The following EGFL6 variants were observed in gnomAD, a reference collection of about 807,000 sequenced individuals.
EGFL6 encodes the protein EGF like domain multiple 6, also known as epidermal growth factor-like protein 6.
EGFL6 carries 42 observed loss-of-function variants against 43.1 expected under a neutral mutation model. The observed-to-expected ratio is 0.98, with a 90% CI of 0.76 to 1.26. The LOEUF (loss-of-function observed/expected upper bound fraction) is 1.26, where lower values mean the gene tolerates loss of function less well. EGFL6 is among the 50% of genes most tolerant of loss of function. The pLI is 0.00. For synonymous variants in EGFL6, 164 were observed against 163.2 expected (o/e 1.01, Z -0.04); for missense variants, 429 against 427.8 (o/e 1.00, Z -0.02).
At chrX:13,591,927 A>G (rs2045565532) in intron 2 of EGFL6, among the ~76,000 whole-genome samples, 1 of 112,161 alleles carries the variant, frequency 8.9e-6, no homozygotes, top group African/African-American at 3.2e-5. Context: ...AAAGCTTCAG[A>G]TAGAGAAGTT....
rs181022246 is a variant in EGFL6, at chrX:13,605,509, A to G, written c.521-870A>G. Among the ~76,000 whole-genome samples, 487 of 105,576 alleles carry G rather than the reference A, an allele frequency of 4.6e-3. 6 individuals carry two copies. The highest frequency in any genetic ancestry group is 0.032 in the Admixed American group (307 of 9,665). The allele number at this position is 105,576 out of a possible 115,157, so 91.7% of individuals were successfully genotyped here. A position where few individuals can be genotyped will look rare whatever the true frequency, so the allele number is the denominator to read the frequency against. On this transcript the variant is annotated intron_variant, in intron 5 of 11. Transcript: ENST00000361306. ...TGGGAGGATCACTTGAGCCTGGGGAATTTGTGGCTGTAGTGAGCCATGATT... is the reference window on the plus strand; with the variant it reads ...TGGGAGGATCACTTGAGCCTGGGGAGTTTGTGGCTGTAGTGAGCCATGATT...
chrX:13,607,796 C>T (rs1161097138), intron 6 of EGFL6, among the ~76,000 whole-genome samples: 3 of 112,252 alleles, frequency 2.7e-5, no homozygotes, highest in Non-Finnish European at 5.6e-5. Context: ...GAGAATACGG[C>T]AAACAAACCT....
In EGFL6 at chrX:13,619,463, G is replaced by A. The variant is rs185629793; in HGVS notation, c.1183+220G>A. On this transcript the variant is annotated intron_variant, in intron 9 of 11. Transcript: ENST00000361306. ...ATAGTAAGGCTATTCTCTTCTCCCCGCCACTCCCACCTGATGCTGAGAGTG... is the reference window on the plus strand; with the variant it reads ...ATAGTAAGGCTATTCTCTTCTCCCCACCACTCCCACCTGATGCTGAGAGTG... 1.6e-4 allele frequency among the ~76,000 whole-genome samples: 18 copies of A among 111,151 alleles called. No homozygotes were observed. The East Asian group carries it at 3.1e-3, about 19-fold the overall frequency.
chrX:13,632,859 A>G lies in EGFL6; in HGVS notation c.1552-126A>G. ...TGGCATCTAAAAAATAATCTATTAC[A>G]GTATATTCAATGTCGAAGCCGGTTT... On this transcript the variant is annotated intron_variant, in intron 11 of 11. Coordinates refer to ENST00000361306, the MANE Select transcript of EGFL6 (RefSeq NM_015507.4). 7.3e-6 allele frequency: 4 copies of G among 549,572 alleles called. No individual in the cohort carries two copies. In the South Asian group the frequency reaches 1.2e-4, roughly 16 times the overall value. 45.3% of individuals were successfully genotyped at this position (549,572 alleles called of 1,213,427 possible).
At chrX:13,616,151 A>G (rs1243561296) in intron 7 of EGFL6, among the ~76,000 whole-genome samples, 2 of 112,355 alleles carry the variant, frequency 1.8e-5, no homozygotes, top group African/African-American at 6.5e-5. Flanking sequence ...AAAATTAATT[A>G]CTTCTTTACA....
chrX:13,594,995 G>A, intron 3 of EGFL6, 67 bp downstream of exon 3: 1 of 829,233 alleles, frequency 1.2e-6, no homozygotes, highest in Non-Finnish European at 1.7e-6. Flanking sequence ...GACTCAATAT[G>A]GTACGCAGGA....
At chrX:13,603,112 A>G (rs1033130788) in intron 4 of EGFL6, among the ~76,000 whole-genome samples, 4 of 111,700 alleles carry the variant, frequency 3.6e-5, no homozygotes, top group African/African-American at 1.3e-4. Flanking sequence ...AAAGCAGACC[A>G]TGAGTAGGAT....
At position 13,632,463 on chromosome X, in the gene EGFL6, G is replaced by A. The variant is rs761129209; in HGVS notation, c.1552-522G>A. Among the ~76,000 whole-genome samples the A allele has an allele frequency of 6.5e-5, 7 of 108,382 alleles. No homozygotes were observed. The South Asian group carries it at 2.1e-3, about 32-fold the overall frequency. 94.1% of individuals were successfully genotyped at this position (108,382 alleles called of 115,157 possible). A position where few individuals can be genotyped will look rare whatever the true frequency, so the allele number is the denominator to read the frequency against. ...ACTACAGGCGCCCACCACCACGCCC[G>A]GCTAATTTGTTTGTATTTTTAGTAG... On this transcript the variant is annotated intron_variant, in intron 11 of 11. Coordinates refer to ENST00000361306, the MANE Select transcript of EGFL6 (RefSeq NM_015507.4).
chrX:13,595,110 C>G (rs2045589794), intron 3 of EGFL6, among the ~76,000 whole-genome samples, 182 bp downstream of exon 3: 1 of 111,030 alleles, frequency 9.0e-6, no homozygotes, highest in Admixed American at 9.6e-5. Context: ...ATGTTTTTGT[C>G]AAGATGCCCA....
chrX:13,618,889 G>A (rs200230151), intron 8 of EGFL6, among the ~76,000 whole-genome samples: 4 of 103,392 alleles, frequency 3.9e-5, no homozygotes, highest in Non-Finnish European at 6.0e-5. Flanking sequence ...CTCAAAAAAA[G>A]AAAAAAAAAA....
chrX:13,597,713 G>A (rs2045607415), intron 3 of EGFL6, among the ~76,000 whole-genome samples: 1 of 111,406 alleles, frequency 9.0e-6, no homozygotes, highest in Non-Finnish European at 1.9e-5. Flanking sequence ...GAACCTGGGA[G>A]GTGGAGGTTG....
At chrX:13,628,584 C>T (rs1285825842) in intron 11 of EGFL6, among the ~76,000 whole-genome samples, 3 of 111,148 alleles carry the variant, frequency 2.7e-5, no homozygotes, top group African/African-American at 9.8e-5. Context: ...GAGGCCGAGA[C>T]AGGCAGATCA....
At chrX:13,617,300 AT>A (rs2045724218) in intron 7 of EGFL6, among the ~76,000 whole-genome samples, 2 of 112,157 alleles carry the variant, frequency 1.8e-5, no homozygotes. Context: ...ATTATTAGCA[AT>A]TTATATGGTT....
chrX:13,613,382 T>C (rs951314404), intron 7 of EGFL6, among the ~76,000 whole-genome samples: 2 of 109,920 alleles, frequency 1.8e-5, no homozygotes, highest in African/African-American at 3.3e-5. Context: ...GATAATTTGG[T>C]CTTGATTTGA....
Position 13,619,175 on chromosome X carries a change from A to G in EGFL6, c.1115A>G (p.Asn372Ser). The G allele has an allele frequency of 8.3e-7, 1 of 1,211,469 alleles. No individual in the cohort carries two copies. The highest frequency in any genetic ancestry group is 3.0e-5 in the East Asian group (1 of 33,850). Reference protein sequence around the residue: ...LRGDVFFPKVNEAGEFGLILV... With the variant: ...LRGDVFFPKVSEAGEFGLILV... ...TGTTCTTTATTAGTCCCTAAGGTGA[A>G]TGAAGCAGGTGAATTCGGCCTGATT... is the stretch of plus-strand genomic sequence containing the variant. The change falls in exon 9 of 12, where the codon AAT (asparagine) becomes AGT (serine). Residue 372 changes from asparagine (N) to serine (S), a missense_variant. Coordinates refer to ENST00000361306, the MANE Select transcript of EGFL6 (RefSeq NM_015507.4).
At chrX:13,595,048 C>G (rs1335206148) in intron 3 of EGFL6, 120 bp downstream of exon 3, 1 of 428,851 alleles carries the variant, frequency 2.3e-6, no homozygotes, top group Non-Finnish European at 3.7e-6. Flanking sequence ...AATGAAGGTG[C>G]TTTCAGGACA....
In EGFL6 at chrX:13,594,843, C is replaced by T. The variant is rs777290359; in HGVS notation, c.195C>T (p.Cys65=). 4.1e-6 allele frequency: 5 copies of T among 1,208,462 alleles called. No individual in the cohort carries two copies. The highest frequency in any genetic ancestry group is 3.0e-5 in the East Asian group (1 of 33,801). ...RNSKGVCEAT[C]EPGCKFGECV... ...CATCTTTTCCTTCCACAGCTACATG[C>T]GAACCTGGATGTAAGTTTGGTGAGT... The change falls in exon 3 of 12, where the codon TGC becomes TGT. Residue 65 remains cysteine, a synonymous_variant. Coordinates refer to ENST00000361306, the MANE Select transcript of EGFL6 (RefSeq NM_015507.4).
chrX:13,624,279 A>G (rs1476438668), intron 10 of EGFL6, among the ~76,000 whole-genome samples: 2 of 111,957 alleles, frequency 1.8e-5, no homozygotes, highest in Non-Finnish European at 1.9e-5. Flanking sequence ...CAGCCATGGC[A>G]TCTTGTAGTT....
chrX:13,602,862 G>A (rs2045641028), intron 4 of EGFL6, among the ~76,000 whole-genome samples: 2 of 111,767 alleles, frequency 1.8e-5, no homozygotes, highest in Non-Finnish European at 3.8e-5. Flanking sequence ...CTAAAATATC[G>A]AGTCTTGTGA....
Sources: allele counts gnomAD v4.1 joint callset (sites outside exome capture counted in the v4.1 genomes callset), GRCh38; gene constraint gnomAD v4.1.1; transcripts MANE v1.5; gene names NCBI Gene and HGNC (gene_info 2026-07-23, HGNC 2026-07-21).